Variants in ST8SIA6 observed in about 807,000 individuals in gnomAD.
The protein encoded by ST8SIA6 is alpha-2,8-sialyltransferase 8F.
ST8SIA6 carries 39 observed loss-of-function variants against 33.6 expected under a neutral mutation model. The observed-to-expected ratio is 1.16, with a 90% CI of 0.90 to 1.52. The LOEUF (loss-of-function observed/expected upper bound fraction) is 1.52, where lower values mean the gene tolerates loss of function less well. Among genes scored for constraint, ST8SIA6 ranks in the 40% most tolerant of loss-of-function variants. The pLI is 0.00. For synonymous variants in ST8SIA6, 172 were observed against 167.2 expected (o/e 1.03, Z -0.22); for missense variants, 441 against 443.8 (o/e 0.99, Z 0.06).
chr10:17,425,038 G>A (rs531520594), intron 2 of ST8SIA6, among the ~76,000 whole-genome samples: 54 of 151,996 alleles, frequency 3.6e-4, no homozygotes, highest in African/African-American at 1.3e-3. Context: ...CCAGCCACCC[G>A]TCAATGTTAA....
chr10:17,405,112 C>T (rs1194378373), intron 2 of ST8SIA6, among the ~76,000 whole-genome samples: 1 of 152,190 alleles, frequency 6.6e-6, no homozygotes, highest in African/African-American at 2.4e-5. Context: ...TAACACCTTT[C>T]CAGTTTTCTC....
intron 2 of ST8SIA6, among the ~76,000 whole-genome samples, chr10:17,411,168 CTCTT>C (rs1314229669): frequency 7.0e-6 from 1 of 142,726 alleles, no homozygotes; most frequent in East Asian, 2.5e-4. Flanking sequence ...CAGACTTGAA[CTCTT>C]TGTGTGTGTG....
At chr10:17,369,926 T>C (rs937055270) in intron 3 of ST8SIA6, among the ~76,000 whole-genome samples, 4 of 152,188 alleles carry the variant, frequency 2.6e-5, no homozygotes, top group African/African-American at 4.8e-5. Flanking sequence ...TCTTTGAGTC[T>C]AAAGTGTGTC....
Position 17,394,780 on chromosome 10 carries a change from G to A in ST8SIA6, c.201-4160C>T, listed in dbSNP as rs113686945. ...GTTGGGGCACACCACAAGTGAAGAC[G>A]TTGGGTTGAGTCCTTTTTTAAAAAA... On this transcript the variant is annotated intron_variant, in intron 2 of 7. Coordinates refer to ENST00000377602, the MANE Select transcript of ST8SIA6 (RefSeq NM_001004470.3). Among the ~76,000 whole-genome samples the A allele has an allele frequency of 1.5e-3, 236 of 152,290 alleles. 4 individuals carry two copies. In the East Asian group the frequency reaches 0.028, roughly 18 times the overall value.
intron 3 of ST8SIA6, among the ~76,000 whole-genome samples, chr10:17,388,077 C>G (rs1850446788): frequency 6.6e-6 from 1 of 152,180 alleles, no homozygotes; most frequent in African/African-American, 2.4e-5. Flanking sequence ...GGGTGGACAC[C>G]CCAGTCCTGT....
chr10:17,360,590 T>C (rs563749318), intron 3 of ST8SIA6, among the ~76,000 whole-genome samples: 1 of 66,226 alleles, frequency 1.5e-5, no homozygotes, highest in African/African-American at 6.0e-5. Context: ...CAGAAAGAGG[T>C]GGGGGTGGGA....
At chr10:17,379,143 C>A (rs7085719) in intron 3 of ST8SIA6, among the ~76,000 whole-genome samples, 7,932 of 64,862 alleles carry the variant, frequency 0.12, 289 homozygotes, top group African/African-American at 0.26. Context: ...AAAACAAAAA[C>A]AAAAAAAACC....
intron 4 of ST8SIA6, among the ~76,000 whole-genome samples, chr10:17,344,196 A>G (rs1274988747): frequency 6.6e-6 from 1 of 152,246 alleles, no homozygotes; most frequent in Middle Eastern, 3.2e-3. Context: ...AGAGGGGGAA[A>G]AGTCAAGAAG....
intron 2 of ST8SIA6, among the ~76,000 whole-genome samples, chr10:17,429,089 T>G (rs1415837090): frequency 1.3e-5 from 2 of 151,968 alleles, no homozygotes; most frequent in Non-Finnish European, 2.9e-5. Flanking sequence ...CGTTCTGTAG[T>G]GCCCCCTCCT....
intron 2 of ST8SIA6, among the ~76,000 whole-genome samples, chr10:17,396,003 C>G (rs1436856854): frequency 6.6e-6 from 1 of 152,154 alleles, no homozygotes; most frequent in Admixed American, 6.5e-5. Context: ...CCATGGCGAC[C>G]CTCATGGTGT....
intron 2 of ST8SIA6, among the ~76,000 whole-genome samples, chr10:17,443,358 A>G (rs1191012514): frequency 2.0e-5 from 3 of 152,250 alleles, no homozygotes; most frequent in Non-Finnish European, 4.4e-5. Flanking sequence ...CAGCATTCCA[A>G]CAGAGGTTCC....
At chr10:17,443,279 A>T (rs1015705048) in intron 2 of ST8SIA6, among the ~76,000 whole-genome samples, 2 of 152,240 alleles carry the variant, frequency 1.3e-5, no homozygotes, top group Non-Finnish European at 2.9e-5. Context: ...TTTATTTTAT[A>T]GAGTTAGGAA....
intron 2 of ST8SIA6, among the ~76,000 whole-genome samples, chr10:17,452,599 C>G (rs564575511): frequency 3.6e-4 from 55 of 152,128 alleles, no homozygotes; most frequent in Non-Finnish European, 3.1e-4. Context: ...GTCTGTCCAT[C>G]TTGGGTAATT....
chr10:17,408,628 C>G (rs1851350185), intron 2 of ST8SIA6, among the ~76,000 whole-genome samples: 1 of 151,488 alleles, frequency 6.6e-6, no homozygotes, highest in African/African-American at 2.4e-5. Context: ...CCACTGCACT[C>G]CAGCCTGGGT....
chr10:17,437,292 T>C (rs1444517067), intron 2 of ST8SIA6, among the ~76,000 whole-genome samples: 4 of 152,152 alleles, frequency 2.6e-5, no homozygotes, highest in Non-Finnish European at 4.4e-5. Flanking sequence ...GCCAAGTAGT[T>C]GGGACTACAC....
At chr10:17,385,958 G>A (rs540165505) in intron 3 of ST8SIA6, among the ~76,000 whole-genome samples, 2 of 152,056 alleles carry the variant, frequency 1.3e-5, no homozygotes, top group East Asian at 3.9e-4. Context: ...CAAGGCAGGA[G>A]GATCACTTGC....
chr10:17,454,329 C>CCCG lies in ST8SIA6; in HGVS notation c.-77_-75dup, dbSNP rs907653597. The CCCG allele has an allele frequency of 1.4e-4, 23 of 166,078 alleles. No individual in the cohort carries two copies. In the South Asian group the frequency reaches 3.6e-3, roughly 26 times the overall value. The allele number at this position is 166,078 out of a possible 1,614,324, so 10.3% of individuals were successfully genotyped here. On this transcript the variant is annotated 5_prime_UTR_variant, in exon 1 of 8. Transcript: ENST00000377602. The surrounding 1 kb of genome is among the most constrained non-coding windows in gnomAD (Gnocchi z 4.1). The stretch of plus-strand genomic sequence containing the variant: ...GCCCGGGCGGCCCCGACTCGCGGCT[C>CCCG]CCGCCGCCGCCGCCACCGCCGCCGT...
chr10:17,397,501 C>T (rs547622459), intron 2 of ST8SIA6, among the ~76,000 whole-genome samples: 5 of 152,286 alleles, frequency 3.3e-5, no homozygotes, highest in Admixed American at 6.5e-5. Flanking sequence ...TCCCAAAGTG[C>T]TGGGATTACA....
rs1847871769 is a variant in ST8SIA6, at chr10:17,319,387, T to C, written c.*1491A>G. On this transcript the variant is annotated 3_prime_UTR_variant, in exon 8 of 8. Transcript: ENST00000377602. Reference sequence around the variant, plus strand: ...GTCTGTTTAGCCAAAGATTTTTGGCTAACGTGAATCTAGGTAGGATTGTTG... The same window carrying C: ...GTCTGTTTAGCCAAAGATTTTTGGCCAACGTGAATCTAGGTAGGATTGTTG... 6.6e-6 allele frequency among the ~76,000 whole-genome samples: 1 copy of C among 152,214 alleles called. No homozygotes were observed. Among genetic ancestry groups the C allele is most frequent in the South Asian group, 2.1e-4 (1 of 4,832 alleles).
Sources: gnomAD v4.1 joint callset for allele counts (sites outside exome capture counted in the v4.1 genomes callset) on GRCh38, gnomAD v4.1.1 for gene constraint, Gnocchi (gnomAD v3.1) non-coding constraint, MANE v1.5 for transcripts, NCBI Gene and HGNC (gene_info 2026-07-23, HGNC 2026-07-21) for gene names.